The following PTPRT variants were observed in gnomAD, a reference collection of about 807,000 sequenced individuals.
PTPRT encodes the protein protein tyrosine phosphatase receptor type T, also known as receptor-type tyrosine-protein phosphatase T.
In PTPRT, 56 loss-of-function variants were observed where a neutral mutation model predicts 176.8. That is an observed-to-expected ratio of 0.32 (90% CI 0.26 to 0.40). The LOEUF is 0.40. Among genes scored for constraint, PTPRT ranks in the 10% least tolerant of loss-of-function variants. The pLI, the probability that PTPRT is intolerant of heterozygous loss-of-function variation, is 1.00. For missense variants in PTPRT, 1,540 were observed against 1,908.2 expected (o/e 0.81, Z 3.60); for synonymous variants, 783 against 739.0 (o/e 1.06, Z -0.96).
chr20:42,841,610 T>TACACACACACACACACACACACAC (rs3973897), intron 2 of PTPRT, among the ~76,000 whole-genome samples: 1 of 140,908 alleles, frequency 7.1e-6, no homozygotes, highest in Admixed American at 7.1e-5. Flanking sequence ...TAGTGTTAAA[T>TACACACACACACACACACACACAC]ACACACACAC....
intron 9 of PTPRT, among the ~76,000 whole-genome samples, chr20:42,418,247 C>T (rs2059084660): frequency 6.6e-6 from 1 of 152,074 alleles, no homozygotes; most frequent in Non-Finnish European, 1.5e-5. Flanking sequence ...ATTACTAAAA[C>T]TATACATTAT....
In PTPRT at chr20:42,637,863, C is replaced by T. The variant is rs147677623; in HGVS notation, c.1153+40003G>A. On this transcript the variant is annotated intron_variant, in intron 7 of 30. Coordinates refer to ENST00000373187, the MANE Select transcript of PTPRT (RefSeq NM_007050.6). ...TTAGCCAGCCTCCAAACTGACAAAG[C>T]TAAGAGGGTAAAGGTCTGAGATTTA... 4.3e-3 allele frequency among the ~76,000 whole-genome samples: 648 copies of T among 152,148 alleles called. 6 individuals carry two copies. Among genetic ancestry groups the T allele is most frequent in the Middle Eastern group, 0.038 (11 of 290 alleles).
At chr20:42,466,966 A>G (rs1204396797) in intron 8 of PTPRT, among the ~76,000 whole-genome samples, 1 of 152,202 alleles carries the variant, frequency 6.6e-6, no homozygotes, top group Non-Finnish European at 1.5e-5. Context: ...AGAGACTGCC[A>G]CTGGCCATAT....
chr20:42,438,706 A>C (rs1368255017), intron 9 of PTPRT, among the ~76,000 whole-genome samples: 40 of 152,240 alleles, frequency 2.6e-4, no homozygotes, highest in Non-Finnish European at 2.2e-4. Flanking sequence ...TTCATGCAGC[A>C]ACCTTTATTG....
chr20:42,528,138 C>T (rs2072311492), intron 7 of PTPRT, among the ~76,000 whole-genome samples: 1 of 152,134 alleles, frequency 6.6e-6, no homozygotes, highest in Non-Finnish European at 1.5e-5. Context: ...TGTTATGCTT[C>T]TTCCAGCTCT....
At chr20:42,205,125 C>T (rs201910444) in intron 15 of PTPRT, among the ~76,000 whole-genome samples, 15 of 151,458 alleles carry the variant, frequency 9.9e-5, no homozygotes, top group Non-Finnish European at 2.1e-4. Flanking sequence ...TGTTAAATGA[C>T]GAGTTAATGG....
intron 7 of PTPRT, among the ~76,000 whole-genome samples, chr20:42,668,868 T>TC (rs1379406020): frequency 1.4e-5 from 2 of 141,486 alleles, no homozygotes; most frequent in Non-Finnish European, 3.1e-5. Flanking sequence ...ATTTTTTTTT[T>TC]TTTTTTTTTT....
At chr20:42,185,812 C>T (rs1600648822) in intron 16 of PTPRT, among the ~76,000 whole-genome samples, 1 of 152,156 alleles carries the variant, frequency 6.6e-6, no homozygotes, top group South Asian at 2.1e-4. Context: ...TGCTGTGCCA[C>T]ATGTTGAGGA....
At chr20:42,151,490 T>C (rs1989130032) in intron 17 of PTPRT, among the ~76,000 whole-genome samples, 1 of 152,236 alleles carries the variant, frequency 6.6e-6, no homozygotes. Flanking sequence ...TTCTTTTCTA[T>C]GGCTGCATAG....
chr20:43,038,581 C>T (rs1307628470), intron 1 of PTPRT, among the ~76,000 whole-genome samples: 1 of 152,114 alleles, frequency 6.6e-6, no homozygotes, highest in Non-Finnish European at 1.5e-5. Flanking sequence ...GATTATTTAA[C>T]TTCATTCTAG....
rs147439858 is a variant in PTPRT at position 42,835,263 on chromosome 20, T to C, written c.215-43797A>G. 2.4e-3 allele frequency among the ~76,000 whole-genome samples: 358 copies of C among 151,564 alleles called. 1 individual carries two copies. Among genetic ancestry groups the C allele is most frequent in the Admixed American group, 0.02 (302 of 15,198 alleles). On this transcript the variant is annotated intron_variant, in intron 2 of 30. Transcript: ENST00000373187. ...TGAGATTAACACTTTTGAGGGGGAGTTGGAAACACTTTAAGGAAAACAAAA... is the reference window on the plus strand; with the variant it reads ...TGAGATTAACACTTTTGAGGGGGAGCTGGAAACACTTTAAGGAAAACAAAA...
chr20:43,066,295 C>T (rs1244759665), intron 1 of PTPRT, among the ~76,000 whole-genome samples: 3 of 152,132 alleles, frequency 2.0e-5, no homozygotes, highest in African/African-American at 7.2e-5. Flanking sequence ...CATTTGTCCC[C>T]GGAGGCCTTT....
chr20:42,566,038 T>A (rs947583197), intron 7 of PTPRT, among the ~76,000 whole-genome samples: 1 of 152,124 alleles, frequency 6.6e-6, no homozygotes, highest in African/African-American at 2.4e-5. Flanking sequence ...TCCTACCCTA[T>A]GTTGGCTATG....
chr20:42,119,384 T>G, intron 20 of PTPRT, among the ~76,000 whole-genome samples: 1 of 152,346 alleles, frequency 6.6e-6, no homozygotes, highest in Non-Finnish European at 1.5e-5. Context: ...ATTCCTATTA[T>G]AGATAACACC....
chr20:42,379,045 C>T (rs2058675313), intron 9 of PTPRT, among the ~76,000 whole-genome samples: 1 of 152,194 alleles, frequency 6.6e-6, no homozygotes, highest in Admixed American at 6.5e-5. Context: ...CATTTTTGCA[C>T]TTGGAATGCT....
At position 42,350,214 on chromosome 20, in the gene PTPRT, G is replaced by GTTTTT. The variant is rs764181357; in HGVS notation, c.1865+409_1865+413dup. 1.8e-3 allele frequency among the ~76,000 whole-genome samples: 105 copies of GTTTTT among 58,278 alleles called. 1 individual carries two copies. Among genetic ancestry groups the GTTTTT allele is most frequent in the Non-Finnish European group, 2.7e-3 (82 of 30,188 alleles). The allele number at this position is 58,278 out of a possible 152,430, so 38.2% of individuals were successfully genotyped here. On this transcript the variant is annotated intron_variant, in intron 11 of 30. Coordinates refer to ENST00000373187, the MANE Select transcript of PTPRT (RefSeq NM_007050.6). ...TCAGGTCCTGATTAGGATGTTTCTT[G>GTTTTT]TTTTTTTTTTTTTTTTTTTTTTTTT...
intron 13 of PTPRT, among the ~76,000 whole-genome samples, chr20:42,258,091 G>A (rs964629362): frequency 1.3e-5 from 2 of 152,064 alleles, no homozygotes; most frequent in Admixed American, 6.5e-5. Context: ...TCAAATATCT[G>A]GAAGAAAGAA....
At chr20:42,868,084 G>A (rs2078781189) in intron 2 of PTPRT, among the ~76,000 whole-genome samples, 1 of 152,128 alleles carries the variant, frequency 6.6e-6, no homozygotes, top group South Asian at 2.1e-4. Flanking sequence ...ATAAAATGTG[G>A]AAGTGGCTTT....
At chr20:42,253,978 T>C (rs1331379183) in intron 13 of PTPRT, among the ~76,000 whole-genome samples, 3 of 152,188 alleles carry the variant, frequency 2.0e-5, no homozygotes, top group Non-Finnish European at 4.4e-5. Context: ...GTGCTACCTG[T>C]CTACTCTTAC....
Sources: gnomAD v4.1 joint callset for allele counts (sites outside exome capture counted in the v4.1 genomes callset) on GRCh38, gnomAD v4.1.1 for gene constraint, MANE v1.5 for transcripts, NCBI Gene and HGNC (gene_info 2026-07-23, HGNC 2026-07-21) for gene names.